Variants in SLC5A4 observed in about 807,000 individuals in gnomAD.
SLC5A4 encodes probable glucose sensor protein SLC5A4.
SLC5A4 carries 55 observed loss-of-function variants against 70.3 expected under a neutral mutation model. That is an observed-to-expected ratio of 0.78 (90% CI 0.63 to 0.98). The LOEUF is 0.98. Ranked by LOEUF, SLC5A4 falls within the 50% of genes least tolerant of loss-of-function variation. SLC5A4 has a pLI of 0.00. For synonymous variants in SLC5A4, 268 were observed against 305.7 expected, an observed-to-expected ratio of 0.88 and a Z score of 1.29; for missense variants, 735 against 839.2, an observed-to-expected ratio of 0.88 and a Z score of 1.53.
the SLC5A4 span, among the ~76,000 whole-genome samples, chr22:32,327,738 G>T: frequency 2.1e-5 from 2 of 94,834 alleles, no homozygotes; most frequent in Admixed American, 1.2e-4. Context: ...ATGTGCACGG[G>T]TTTGGGACAC....
At chr22:32,237,719 T>C (rs1319550125) in intron 6 of SLC5A4, among the ~76,000 whole-genome samples, 1 of 152,226 alleles carries the variant, frequency 6.6e-6, no homozygotes, top group Non-Finnish European at 1.5e-5. Flanking sequence ...AACGTATTAT[T>C]GTTTCATTAA....
chr22:32,293,109 G>A, the SLC5A4 span, among the ~76,000 whole-genome samples: 1 of 152,164 alleles, frequency 6.6e-6, no homozygotes, highest in East Asian at 1.9e-4. Context: ...TATTGTTTGA[G>A]TTAGTGCTTG....
At chr22:32,224,703 T>C (rs893586588) in intron 12 of SLC5A4, among the ~76,000 whole-genome samples, 5 of 152,220 alleles carry the variant, frequency 3.3e-5, no homozygotes, top group Non-Finnish European at 5.9e-5. Flanking sequence ...TGCACCATCG[T>C]TGATTCTCCA....
At chr22:32,254,808 A>C (rs773841680) in intron 1 of SLC5A4, among the ~76,000 whole-genome samples, 1 of 152,142 alleles carries the variant, frequency 6.6e-6, no homozygotes, top group African/African-American at 2.4e-5. Flanking sequence ...CGTCTCAAAA[A>C]AAAAAAAAAT....
At chr22:32,332,554 T>C in the SLC5A4 span, among the ~76,000 whole-genome samples, 2 of 152,162 alleles carry the variant, frequency 1.3e-5, no homozygotes, top group African/African-American at 4.8e-5. Context: ...CTGCGGGCCT[T>C]CTGGGAGTCT....
chr22:32,261,028 G>A, the SLC5A4 span, among the ~76,000 whole-genome samples: 1 of 151,732 alleles, frequency 6.6e-6, no homozygotes. Context: ...AGCTGAGATC[G>A]TGCCATTGCA....
intron 7 of SLC5A4, 116 bp downstream of exon 7, chr22:32,237,128 T>A (rs1477910120): frequency 2.7e-6 from 2 of 734,266 alleles, no homozygotes; most frequent in African/African-American, 3.5e-5. Flanking sequence ...TGTAAATGAC[T>A]GGAAAGTGTG....
At chr22:32,242,581 T>C (rs1009479831) in intron 5 of SLC5A4, among the ~76,000 whole-genome samples, 4 of 152,046 alleles carry the variant, frequency 2.6e-5, no homozygotes, top group East Asian at 1.9e-4. Flanking sequence ...TGGTGGCGCG[T>C]GCCTGTAGTC....
chr22:32,345,328 A>C, the SLC5A4 span, among the ~76,000 whole-genome samples: 1 of 152,318 alleles, frequency 6.6e-6, no homozygotes, highest in South Asian at 2.1e-4. Flanking sequence ...CTGTGAGAAA[A>C]ACAAAGATCA....
At chr22:32,249,873 G>A (rs944095717) in intron 3 of SLC5A4, among the ~76,000 whole-genome samples, 1 of 152,014 alleles carries the variant, frequency 6.6e-6, no homozygotes, top group African/African-American at 2.4e-5. Context: ...ACACAAATTT[G>A]TAAACTTTCT....
chr22:32,327,604 C>A, the SLC5A4 span, among the ~76,000 whole-genome samples: 1 of 152,242 alleles, frequency 6.6e-6, no homozygotes, highest in East Asian at 1.9e-4. Context: ...AGTGCAGAGC[C>A]TGGCACGTGG....
chr22:32,255,838 A>G (rs1376941510), upstream of SLC5A4, among the ~76,000 whole-genome samples: 1 of 152,198 alleles, frequency 6.6e-6, no homozygotes, highest in Non-Finnish European at 1.5e-5. Flanking sequence ...CATGTGCCAC[A>G]AAAAGACATT....
At chr22:32,239,148 C>A in intron 5 of SLC5A4, 58 bp from the exon 6 acceptor site, 1 of 1,244,878 alleles carries the variant, frequency 8.0e-7, no homozygotes, top group South Asian at 1.2e-5. Flanking sequence ...ACTGGCTTCT[C>A]TGCCCCAATG....
At chr22:32,325,204 G>C in the SLC5A4 span, among the ~76,000 whole-genome samples, 1 of 152,238 alleles carries the variant, frequency 6.6e-6, no homozygotes, top group Non-Finnish European at 1.5e-5. Flanking sequence ...CCTTCGCCAG[G>C]CCTGGGCTGG....
At chr22:32,272,412 C>T in the SLC5A4 span, 5 of 900,788 alleles carry the variant, frequency 5.6e-6, no homozygotes, top group Non-Finnish European at 9.1e-6. Context: ...GCATGGCCTT[C>T]ATGGTCGACA....
chr22:32,219,779 A>G (rs1429376405), intron 14 of SLC5A4, among the ~76,000 whole-genome samples: 1 of 152,088 alleles, frequency 6.6e-6, no homozygotes, highest in Non-Finnish European at 1.5e-5. Context: ...CAAACTAGAC[A>G]AATCTTTAGT....
At chr22:32,270,294 G>T in the SLC5A4 span, 1 of 819,810 alleles carries the variant, frequency 1.2e-6, no homozygotes, top group Non-Finnish European at 2.2e-6. Flanking sequence ...ACCCTGAGCC[G>T]GACCTGGAGA....
chr22:32,229,662 T>G (rs1397664891), intron 10 of SLC5A4, among the ~76,000 whole-genome samples: 1 of 152,058 alleles, frequency 6.6e-6, no homozygotes, highest in Non-Finnish European at 1.5e-5. Context: ...AATGGGGGAC[T>G]AGGGGTGGCA....
the SLC5A4 span, among the ~76,000 whole-genome samples, chr22:32,354,676 T>C: frequency 2.6e-5 from 4 of 151,280 alleles, no homozygotes; most frequent in African/African-American, 9.7e-5. Context: ...GCACACCCGA[T>C]AGCACCCCCA....
Sources: gnomAD v4.1 joint callset for allele counts (sites outside exome capture counted in the v4.1 genomes callset) on GRCh38, gnomAD v4.1.1 for gene constraint, MANE v1.5 for transcripts, NCBI Gene and HGNC (gene_info 2026-07-23, HGNC 2026-07-21) for gene names.